ANKS1B: variants seen among roughly 807,000 people sequenced by gnomAD.
ANKS1B encodes the protein ankyrin repeat and sterile alpha motif domain-containing protein 1B.
Under a neutral mutation model 148.3 loss-of-function variants are expected in ANKS1B, and 36 were observed. The observed-to-expected ratio is 0.24, with a 90% CI of 0.19 to 0.32. The LOEUF (loss-of-function observed/expected upper bound fraction) is 0.32. Ranked by LOEUF, ANKS1B falls within the 10% of genes least tolerant of loss-of-function variation. The probability of loss-of-function intolerance (pLI) is 1.00; values close to 1 mark genes in which losing one functional copy is unlikely to be tolerated. For missense variants in ANKS1B, 1,157 were observed against 1,542.6 expected (o/e 0.75, Z 4.19); for synonymous variants, 542 against 560.8 (o/e 0.97, Z 0.47).
At chr12:99,758,375 A>G (rs1263742799) in intron 8 of ANKS1B, among the ~76,000 whole-genome samples, 2 of 151,932 alleles carry the variant, frequency 1.3e-5, no homozygotes, top group Non-Finnish European at 2.9e-5. Flanking sequence ...TGATACAGAG[A>G]AAAATACATA....
chr12:99,897,246 T>C (rs923512803), intron 1 of ANKS1B, among the ~76,000 whole-genome samples: 1 of 151,250 alleles, frequency 6.6e-6, no homozygotes, highest in African/African-American at 2.4e-5. Flanking sequence ...AAAACTGACA[T>C]GAACACTACA....
chr12:99,006,312 A>C (rs187837382), intron 17 of ANKS1B, among the ~76,000 whole-genome samples: 481 of 152,330 alleles, frequency 3.2e-3, no homozygotes, highest in Non-Finnish European at 4.9e-3. Flanking sequence ...ATTCATTCTC[A>C]ATTATTTATC....
At position 99,126,616 on chromosome 12, in the gene ANKS1B, G is replaced by A. The variant is rs186875195; in HGVS notation, c.2526+27673C>T. Among the ~76,000 whole-genome samples, 40 of 152,244 alleles carry A rather than the reference G, an allele frequency of 2.6e-4. No homozygotes were observed. In the East Asian group the frequency reaches 7.3e-3, roughly 28 times the overall value. On this transcript the variant is annotated intron_variant, in intron 15 of 26. Transcript: ENST00000683438. ...CCTTGTATCCTGTCACAAAGCAGGG[G>A]AAGGGGAAAGACACAGAACCAAGTT...
intron 1 of ANKS1B, among the ~76,000 whole-genome samples, chr12:99,932,529 T>C (rs1220339755): frequency 6.6e-6 from 1 of 152,226 alleles, no homozygotes; most frequent in Non-Finnish European, 1.5e-5. Flanking sequence ...TGATCAGTGA[T>C]GTTGAACATC....
intron 8 of ANKS1B, among the ~76,000 whole-genome samples, chr12:99,672,931 G>T (rs1207199692): frequency 6.6e-6 from 1 of 152,000 alleles, no homozygotes; most frequent in Non-Finnish European, 1.5e-5. Context: ...AATAAGAAAA[G>T]AATACATTAT....
intron 15 of ANKS1B, among the ~76,000 whole-genome samples, chr12:99,149,842 T>C (rs2074344884): frequency 6.6e-6 from 1 of 152,138 alleles, no homozygotes; most frequent in African/African-American, 2.4e-5. Context: ...GACACACCAA[T>C]TGCTAGTAAA....
At chr12:99,872,043 A>C (rs2091580338) in intron 1 of ANKS1B, among the ~76,000 whole-genome samples, 1 of 152,186 alleles carries the variant, frequency 6.6e-6, no homozygotes, top group East Asian at 1.9e-4. Flanking sequence ...ACAACATTAG[A>C]AAGTAATAAG....
At chr12:99,972,248 G>C (rs368958729) in intron 1 of ANKS1B, among the ~76,000 whole-genome samples, 2 of 152,094 alleles carry the variant, frequency 1.3e-5, no homozygotes, top group South Asian at 4.1e-4. Flanking sequence ...CACTTTAAAC[G>C]AAAAGCTAGA....
intron 10 of ANKS1B, among the ~76,000 whole-genome samples, chr12:99,473,985 C>T (rs1437199143): frequency 6.6e-6 from 1 of 151,884 alleles, no homozygotes; most frequent in Non-Finnish European, 1.5e-5. Context: ...ATGTGGATTA[C>T]TTTTTTTAAT....
At chr12:99,472,591 C>T (rs73375725) in intron 10 of ANKS1B, among the ~76,000 whole-genome samples, 6,787 of 152,110 alleles carry the variant, frequency 0.045, 516 homozygotes, top group African/African-American at 0.16. Context: ...TAGAGTTCCA[C>T]TTTATTAAAA....
intron 8 of ANKS1B, among the ~76,000 whole-genome samples, chr12:99,674,871 C>T (rs1278079856): frequency 6.6e-6 from 1 of 151,494 alleles, no homozygotes; most frequent in Non-Finnish European, 1.5e-5. Context: ...ATAAATACAA[C>T]AAAATAATAA....
intron 24 of ANKS1B, among the ~76,000 whole-genome samples, chr12:98,776,586 C>T (rs1386621214): frequency 6.6e-6 from 1 of 152,186 alleles, no homozygotes; most frequent in African/African-American, 2.4e-5. Context: ...ACAGGATTCT[C>T]GGGTCCAGCT....
chr12:99,103,192 A>C (rs79758977), intron 15 of ANKS1B, among the ~76,000 whole-genome samples: 52 of 152,242 alleles, frequency 3.4e-4, no homozygotes, highest in Non-Finnish European at 6.0e-4. Flanking sequence ...TACTTCTGCT[A>C]TCCTTGGCAT....
At chr12:99,094,418 T>C (rs2055187632) in intron 15 of ANKS1B, among the ~76,000 whole-genome samples, 1 of 152,218 alleles carries the variant, frequency 6.6e-6, no homozygotes, top group South Asian at 2.1e-4. Flanking sequence ...ACAGAAAAGC[T>C]GATAATTAGT....
At chr12:99,637,240 A>G (rs1260176735) in intron 9 of ANKS1B, among the ~76,000 whole-genome samples, 1 of 152,200 alleles carries the variant, frequency 6.6e-6, no homozygotes, top group Non-Finnish European at 1.5e-5. Context: ...TTAACCTGGG[A>G]GGCGGAGTTT....
chr12:99,788,308 C>G (rs2065216988), intron 4 of ANKS1B, among the ~76,000 whole-genome samples: 1 of 152,136 alleles, frequency 6.6e-6, no homozygotes, highest in Admixed American at 6.5e-5. Context: ...CATAGTAGGA[C>G]AGGGCACTGG....
At chr12:98,747,556 A>G (rs1790594572) in intron 26 of ANKS1B, among the ~76,000 whole-genome samples, 1 of 152,226 alleles carries the variant, frequency 6.6e-6, no homozygotes, top group African/African-American at 2.4e-5. Context: ...AGGGTCCTCA[A>G]AAAACTAAAA....
At chr12:99,345,781 A>T (rs1347757384) in intron 12 of ANKS1B, among the ~76,000 whole-genome samples, 1 of 151,978 alleles carries the variant, frequency 6.6e-6, no homozygotes, top group East Asian at 1.9e-4. Context: ...GACCTTTTTA[A>T]AAAAACAGCT....
intron 8 of ANKS1B, among the ~76,000 whole-genome samples, chr12:99,723,912 G>A (rs1265323460): frequency 6.6e-6 from 1 of 151,970 alleles, no homozygotes. Context: ...ACAGAAGAGG[G>A]GCCTGACCAT....
Sources: gnomAD v4.1 joint callset for allele counts (sites outside exome capture counted in the v4.1 genomes callset) on GRCh38, gnomAD v4.1.1 for gene constraint, MANE v1.5 for transcripts, NCBI Gene and HGNC (gene_info 2026-07-23, HGNC 2026-07-21) for gene names.